The following STXBP6 variants were observed in gnomAD, a reference collection of about 807,000 sequenced individuals.
STXBP6 encodes the protein syntaxin-binding protein 6.
A neutral mutation model predicts 26.9 loss-of-function variants in STXBP6; 21 were observed. The ratio of observed to expected loss-of-function variants is 0.78; its 90% confidence interval spans 0.55 to 1.12. The LOEUF (loss-of-function observed/expected upper bound fraction) is 1.12. Ranked by LOEUF, STXBP6 falls within the 50% of genes most tolerant of loss-of-function variation. STXBP6 has a pLI of 0.00. For missense variants in STXBP6, 232 were observed against 257.9 expected, an observed-to-expected ratio of 0.90 and a Z score of 0.69; for synonymous variants, 97 against 92.6, an observed-to-expected ratio of 1.05 and a Z score of -0.27.
chr14:24,955,509 A>C (rs190482596), intron 2 of STXBP6, among the ~76,000 whole-genome samples: 51 of 152,344 alleles, frequency 3.3e-4, no homozygotes, highest in African/African-American at 1.2e-3. Context: ...ACAGCTTGGA[A>C]TATAAATGCC....
chr14:24,823,345 A>G (rs1272781279), intron 4 of STXBP6, among the ~76,000 whole-genome samples: 5 of 152,202 alleles, frequency 3.3e-5, no homozygotes. Flanking sequence ...TTGAGAAGTG[A>G]TAAACGAAGA....
intron 2 of STXBP6, among the ~76,000 whole-genome samples, chr14:24,958,013 T>C (rs1037468796): frequency 1.3e-5 from 2 of 152,200 alleles, no homozygotes; most frequent in African/African-American, 2.4e-5. Flanking sequence ...TTCTTACTGA[T>C]ATGGTATATC....
At chr14:24,823,404 A>T (rs1201302167) in intron 4 of STXBP6, among the ~76,000 whole-genome samples, 1 of 152,168 alleles carries the variant, frequency 6.6e-6, no homozygotes, top group Non-Finnish European at 1.5e-5. Context: ...CAATAGTTCA[A>T]TTATCTACAT....
intron 4 of STXBP6, among the ~76,000 whole-genome samples, chr14:24,853,137 A>G (rs1194114362): frequency 6.6e-6 from 1 of 152,122 alleles, no homozygotes; most frequent in Non-Finnish European, 1.5e-5. Flanking sequence ...AATGGTATCT[A>G]GGACTTGTGG....
At chr14:24,974,977 T>A in intron 1 of STXBP6, 127 bp from the exon 2 acceptor site, 1 of 557,954 alleles carries the variant, frequency 1.8e-6, no homozygotes, top group Non-Finnish European at 3.0e-6. Flanking sequence ...CATAATTGCT[T>A]GAAATGTATT....
At chr14:24,954,486 AG>A (rs2073273462) in intron 2 of STXBP6, among the ~76,000 whole-genome samples, 1 of 152,204 alleles carries the variant, frequency 6.6e-6, no homozygotes, top group Non-Finnish European at 1.5e-5. Flanking sequence ...CCACCTATAC[AG>A]CGGAATCTTT....
In STXBP6 at chr14:24,974,771, A is replaced by T. The variant is rs767031935; in HGVS notation, c.48T>A (p.Asp16Glu). The T allele has an allele frequency of 4.4e-6, 7 of 1,607,778 alleles. No homozygotes were observed. Among genetic ancestry groups the T allele is most frequent in the African/African-American group, 2.7e-5 (2 of 74,874 alleles). ...AISKEIFAPL[D>E]ERMLGAVQVK... Reference sequence around the variant, plus strand: ...CTTGGACAGCTCCCAGCATCCTTTCATCAAGAGGTGCAAAAATTTCCTTGC... The same window carrying T: ...CTTGGACAGCTCCCAGCATCCTTTCTTCAAGAGGTGCAAAAATTTCCTTGC... Residue 16 changes from aspartate (D) to glutamate (E), a missense_variant, in exon 2 of 6, where the codon GAT (aspartate) becomes GAA (glutamate). Physicochemically the swap from Asp to Glu is conservative, Grantham distance 45. Transcript: ENST00000323944.
intron 2 of STXBP6, among the ~76,000 whole-genome samples, chr14:24,919,466 C>T (rs758098240): frequency 2.0e-5 from 3 of 150,316 alleles, no homozygotes; most frequent in Non-Finnish European, 4.4e-5. Context: ...TTTAAGTTAC[C>T]TTTACAGTTC....
At chr14:24,917,313 A>T (rs1250842703) in intron 2 of STXBP6, among the ~76,000 whole-genome samples, 1 of 152,116 alleles carries the variant, frequency 6.6e-6, no homozygotes, top group Non-Finnish European at 1.5e-5. Context: ...ACATTTTCAC[A>T]CTTTTTGGCA....
At chr14:24,923,439 C>A (rs1468562226) in intron 2 of STXBP6, among the ~76,000 whole-genome samples, 1 of 152,134 alleles carries the variant, frequency 6.6e-6, no homozygotes, top group Non-Finnish European at 1.5e-5. Flanking sequence ...CATTCTTTTT[C>A]ATGTTTCCTT....
intron 2 of STXBP6, among the ~76,000 whole-genome samples, chr14:24,937,288 T>A (rs557664207): frequency 1.3e-5 from 2 of 152,070 alleles, no homozygotes; most frequent in African/African-American, 4.8e-5. Context: ...AAAATATAAT[T>A]TAAAAAAAAG....
chr14:25,034,027 G>T (rs1240182955), intron 1 of STXBP6, among the ~76,000 whole-genome samples: 8 of 152,190 alleles, frequency 5.3e-5, no homozygotes, highest in Admixed American at 5.2e-4. Flanking sequence ...TGAGGAAGGG[G>T]AGAGAAACTA....
chr14:24,991,751 C>T (rs1287996817), intron 1 of STXBP6, among the ~76,000 whole-genome samples: 6 of 152,196 alleles, frequency 3.9e-5, no homozygotes, highest in African/African-American at 1.4e-4. Flanking sequence ...AGAAGACAAA[C>T]TTTGGTGACA....
chr14:24,824,549 C>T (rs373863918), intron 4 of STXBP6, among the ~76,000 whole-genome samples: 8 of 152,296 alleles, frequency 5.3e-5, no homozygotes, highest in South Asian at 2.1e-4. Context: ...CAAGCTCTTT[C>T]TATATTACAT....
chr14:24,858,327 A>G (rs2069413363), intron 2 of STXBP6, among the ~76,000 whole-genome samples: 1 of 152,054 alleles, frequency 6.6e-6, no homozygotes, highest in Non-Finnish European at 1.5e-5. Context: ...AGACAAAGGA[A>G]AGGTGGCCAC....
At chr14:24,911,787 C>A in intron 2 of STXBP6, among the ~76,000 whole-genome samples, 1 of 152,188 alleles carries the variant, frequency 6.6e-6, no homozygotes, top group East Asian at 1.9e-4. Flanking sequence ...CTTAGAAAAA[C>A]CAGAAGAGTT....
At chr14:24,930,394 T>C (rs903238054) in intron 2 of STXBP6, among the ~76,000 whole-genome samples, 2 of 152,260 alleles carry the variant, frequency 1.3e-5, no homozygotes, top group African/African-American at 4.8e-5. Flanking sequence ...CTGTGCTAAT[T>C]ATAACAGATT....
chr14:24,978,757 A>G (rs2074113581), intron 1 of STXBP6, among the ~76,000 whole-genome samples: 1 of 152,204 alleles, frequency 6.6e-6, no homozygotes, highest in Non-Finnish European at 1.5e-5. Context: ...TCACATCTAT[A>G]CATACCATTC....
chr14:25,021,282 T>C (rs956107658), intron 1 of STXBP6, among the ~76,000 whole-genome samples: 2 of 152,136 alleles, frequency 1.3e-5, no homozygotes, highest in Admixed American at 1.3e-4. Flanking sequence ...CCATCCTACC[T>C]TTTCAGGCTC....
Sources: allele counts gnomAD v4.1 joint callset (sites outside exome capture counted in the v4.1 genomes callset), GRCh38; gene constraint gnomAD v4.1.1; transcripts MANE v1.5; gene names NCBI Gene and HGNC (gene_info 2026-07-23, HGNC 2026-07-21).